FASN: variants seen among roughly 807,000 people sequenced by gnomAD.
The protein encoded by FASN is fatty acid synthase.
A neutral mutation model predicts 250.0 loss-of-function variants in FASN; 50 were observed. The observed-to-expected ratio is 0.20, with a 90% CI of 0.16 to 0.25. The LOEUF (loss-of-function observed/expected upper bound fraction) is 0.25, where lower values mean the gene tolerates loss of function less well. Ranked by LOEUF, FASN falls within the 10% of genes least tolerant of loss-of-function variation. The pLI is 1.00. For synonymous variants in FASN, 1,909 were observed against 1,584.0 expected, an observed-to-expected ratio of 1.21 and a Z score of -4.87; for missense variants, 3,031 against 3,498.5, an observed-to-expected ratio of 0.87 and a Z score of 3.37.
chr17:82,081,512 T>G, intron 37 of FASN, 89 bp downstream of exon 37: 1 of 1,596,722 alleles, frequency 6.3e-7, no homozygotes, highest in Middle Eastern at 1.7e-4. Context: ...ATGGGGAAAC[T>G]GAGGCGCACA....
At chr17:82,095,560 A>C in intron 2 of FASN, 88 bp from the exon 3 acceptor site, 1 of 1,484,508 alleles carries the variant, frequency 6.7e-7, no homozygotes, top group Non-Finnish European at 9.3e-7. Context: ...TGGAGGGGCC[A>C]TGGTGGAACT....
At chr17:82,093,823 G>GACCCCCCC in intron 3 of FASN, 52 bp from the exon 4 acceptor site, 1 of 1,549,750 alleles carries the variant, frequency 6.5e-7, no homozygotes, top group Non-Finnish European at 8.7e-7. Context: ...AGCGCAGCCA[G>GACCCCCCC]CCCACCCACC....
rs1242380994 is a variant in FASN, at chr17:82,084,602, C to A, written c.4679G>T (p.Gly1560Val). The change falls in exon 27 of 43, where the codon GGC becomes GTC. Residue 1560 changes from glycine (G) to valine (V), a missense_variant. Gly to Val is a moderately radical substitution (Grantham distance 109, BLOSUM62 -3). Transcript: ENST00000306749. ...SLRHAQPTCP[G>V]AQLCTVYYAS... Reference sequence around the variant, plus strand: ...GTAGTAGACCGTGCAGAGCTGGGCGCCAGGGCAGGTGGGCTGGGCATGGCG... The same window carrying A: ...GTAGTAGACCGTGCAGAGCTGGGCGACAGGGCAGGTGGGCTGGGCATGGCG... 6.2e-7 allele frequency: 1 copy of A among 1,609,736 alleles called. No homozygotes were observed. Among genetic ancestry groups the A allele is most frequent in the Non-Finnish European group, 8.5e-7 (1 of 1,178,778 alleles).
At chr17:82,094,128 G>C (rs1055665360) in intron 3 of FASN, 7 of 392,246 alleles carry the variant, frequency 1.8e-5, no homozygotes, top group African/African-American at 1.2e-4. Flanking sequence ...TTGGCCCCTG[G>C]TGTCACCGGC....
At chr17:82,090,659 C>T (rs2034188730) in intron 10 of FASN, 95 bp from the exon 11 acceptor site, 1 of 1,205,342 alleles carries the variant, frequency 8.3e-7, no homozygotes, top group Non-Finnish European at 1.2e-6. Context: ...CACCCCCGCG[C>T]CCCATCGACC....
In FASN at chr17:82,088,029, C is replaced by T. The variant is rs775666029; in HGVS notation, c.2791G>A (p.Val931Met). The T allele has an allele frequency of 3.1e-6, 5 of 1,612,694 alleles. No individual in the cohort carries two copies. The highest frequency in any genetic ancestry group is 4.2e-6 in the Non-Finnish European group (5 of 1,179,900). ...TCCAGGAGCCGTACCTCCAGGGACA[C>T]TGTCCCTGCAGAGCGGGAGAGTTGG... ...QATILPKTGT[V>M]SLEVRLLEAS... The change falls in exon 18 of 43, where the codon GTG (valine) becomes ATG (methionine). Residue 931 changes from valine (V) to methionine (M), a missense_variant. By Grantham distance (21) the Val-to-Met change is conservative. Coordinates refer to ENST00000306749, the MANE Select transcript of FASN (RefSeq NM_004104.5).
At position 82,091,504 on chromosome 17, in the gene FASN, G is replaced by C. The variant is rs2034207930; in HGVS notation, c.1210C>G (p.Leu404Val). ...GGGGGCGGCTGCGTGTTGGGCCTCAGGATGATGTGCACGTTGGAGCCCCCG... is the reference window on the plus strand; with the variant it reads ...GGGGGCGGCTGCGTGTTGGGCCTCACGATGATGTGCACGTTGGAGCCCCCG... ...GFGGSNVHII[L>V]RPNTQPPPAP... Residue 404 changes from leucine (L) to valine (V), a missense_variant, in exon 9 of 43, where the codon CTG becomes GTG. Physicochemically the swap from Leu to Val is conservative, Grantham distance 32. Coordinates refer to ENST00000306749, the MANE Select transcript of FASN (RefSeq NM_004104.5). The C allele has an allele frequency of 6.2e-7, 1 of 1,605,212 alleles. No homozygotes were observed. Among genetic ancestry groups the C allele is most frequent in the Non-Finnish European group, 8.5e-7 (1 of 1,176,672 alleles).
Position 82,083,409 on chromosome 17 carries a change from C to T in FASN, c.5358G>A (p.Leu1786=), listed in dbSNP as rs2144785576. ...QNHPLGMAIF[L]KNVTFHGVLL... is the part of the protein sequence containing the mutation. ...GGACCCCGTGGAATGTCACGTTCTT[C>T]AGGAAGATAGCCATGCCTGCGGGCA... The change falls in exon 32 of 43, where the codon CTG becomes CTA. Residue 1786 remains leucine, a synonymous_variant. Transcript: ENST00000306749. 6.2e-7 allele frequency: 1 copy of T among 1,612,762 alleles called. No homozygotes were observed. The highest frequency in any genetic ancestry group is 8.5e-7 in the Non-Finnish European group (1 of 1,180,008).
chr17:82,090,255 C>T (rs957002288), intron 11 of FASN, 120 bp downstream of exon 11: 14 of 1,014,710 alleles, frequency 1.4e-5, no homozygotes, highest in Non-Finnish European at 1.8e-5. Context: ...CTGGGTGTCC[C>T]CGGGCCAGCG....
At chr17:82,095,564 T>TG in intron 2 of FASN, 92 bp from the exon 3 acceptor site, 1 of 1,477,412 alleles carries the variant, frequency 6.8e-7, no homozygotes, top group Non-Finnish European at 9.3e-7. Context: ...GGGGCCATGG[T>TG]GGAACTGAGG....
rs773333204 is a variant in FASN, at chr17:82,079,139, G to C, written c.*4C>G. On this transcript the variant is annotated 3_prime_UTR_variant, in exon 43 of 43. Coordinates refer to ENST00000306749, the MANE Select transcript of FASN (RefSeq NM_004104.5). The stretch of plus-strand genomic sequence containing the variant: ...GACCTCCGGTGGCAGGCGGGGGCAC[G>C]GGCCTAGCCCTCCCGCACGCTCACG... 1.2e-6 allele frequency: 2 copies of C among 1,610,316 alleles called. No homozygotes were observed. Among genetic ancestry groups the C allele is most frequent in the South Asian group, 2.2e-5 (2 of 91,040 alleles).
At position 82,088,436 on chromosome 17, in the gene FASN, G is replaced by A; in HGVS notation, c.2547C>T (p.Asp849=). The A allele has an allele frequency of 6.2e-7, 1 of 1,611,884 alleles. No individual in the cohort carries two copies. The highest frequency in any genetic ancestry group is 8.5e-7 in the Non-Finnish European group (1 of 1,179,260). ...SLAWDVPAAE[D]FPNGSGSPSA... ...AGGGGGAACCTGAACCGTTGGGGAA[G>A]TCCTCGGCGGCCGGCACGTCCCAGG... Residue 849 remains aspartate (D), a synonymous_variant, in exon 16 of 43, where the codon GAC becomes GAT. Coordinates refer to ENST00000306749, the MANE Select transcript of FASN (RefSeq NM_004104.5).
intron 21 of FASN, 26 bp downstream of exon 21, chr17:82,087,024 C>A: frequency 6.2e-7 from 1 of 1,609,470 alleles, no homozygotes; most frequent in Non-Finnish European, 8.5e-7. Context: ...CAGAGGTGTC[C>A]GAAGCCAGCA....
Position 82,084,663 on chromosome 17 carries a change from C to A in FASN, c.4618G>T (p.Asp1540Tyr). Residue 1540 changes from aspartate to tyrosine, a missense_variant, in exon 27 of 43, where the codon GAC becomes TAC. Physicochemically the swap from Asp to Tyr is radical, Grantham distance 160. Coordinates refer to ENST00000306749, the MANE Select transcript of FASN (RefSeq NM_004104.5). ...CAGACCCAGCGGATGGAGGACAGGT[C>A]CCCCCGGGTGAGGGTGCTCACAAAG... ...HAFVSTLTRG[D>Y]LSSIRWVCSS... The A allele has an allele frequency of 6.3e-7, 1 of 1,588,498 alleles. No individual in the cohort carries two copies. The highest frequency in any genetic ancestry group is 8.6e-7 in the Non-Finnish European group (1 of 1,168,284).
intron 8 of FASN, among the ~76,000 whole-genome samples, chr17:82,091,932 C>T (rs537626874): frequency 1.6e-4 from 25 of 152,362 alleles, no homozygotes; most frequent in African/African-American, 6.0e-4. Context: ...GATGTGGACC[C>T]ACCAAAGCCT....
Position 82,087,576 on chromosome 17 carries a change from C to T in FASN, c.3044-72G>A, listed in dbSNP as rs2034127984. The T allele has an allele frequency of 1.2e-5, 19 of 1,600,856 alleles. No homozygotes were observed. In the South Asian group the frequency reaches 1.9e-4, roughly 16 times the overall value. ...GGCCACCTCCCAGAGCCCACCGGGC[C>T]CCTCTGCTCCCTCCCAAGCTGCATG... On this transcript the variant is annotated intron_variant, in intron 19 of 42. Transcript: ENST00000306749.
At position 82,080,513 on chromosome 17, in the gene FASN, A is replaced by G; in HGVS notation, c.6904T>C (p.Tyr2302His). ...CIRQVQPEGPYRVAGYSYGAC... is the reference protein window; with the variant it reads ...CIRQVQPEGPHRVAGYSYGAC... ...CCGTAGGAGTAGCCGGCCACGCGGT[A>G]GGGGCCCTCGGGCTGCACCTGCCTG... Residue 2302 changes from tyrosine (Y) to histidine (H), a missense_variant, in exon 40 of 43, where the codon TAC becomes CAC. Physicochemically the swap from Tyr to His is moderately conservative, Grantham distance 83. Transcript: ENST00000306749. The G allele has an allele frequency of 6.4e-7, 1 of 1,563,338 alleles. No individual in the cohort carries two copies. Among genetic ancestry groups the G allele is most frequent in the Non-Finnish European group, 8.7e-7 (1 of 1,155,004 alleles).
At chr17:82,081,118 T>TGGGGAGGCCC (rs1568104805) in intron 38 of FASN, 46 bp downstream of exon 38, 1 of 1,540,704 alleles carries the variant, frequency 6.5e-7, no homozygotes, top group East Asian at 2.4e-5. Flanking sequence ...GAGGAAGGGC[T>TGGGGAGGCCC]GGGGAGGCCC....
intron 7 of FASN, 47 bp from the exon 8 acceptor site, chr17:82,092,636 C>T (rs374795760): frequency 9.4e-6 from 15 of 1,591,878 alleles, no homozygotes; most frequent in Non-Finnish European, 1.3e-5. Context: ...GTCACCTCTC[C>T]AGGCATGGGC....
Sources: gnomAD v4.1 joint callset for allele counts (sites outside exome capture counted in the v4.1 genomes callset) on GRCh38, gnomAD v4.1.1 for gene constraint, MANE v1.5 for transcripts, NCBI Gene and HGNC (gene_info 2026-07-23, HGNC 2026-07-21) for gene names.